FAM135A: variants seen among roughly 807,000 people sequenced by gnomAD.
FAM135A encodes the protein protein FAM135A.
In FAM135A, 79 loss-of-function variants were observed where a neutral mutation model predicts 146.8. The observed-to-expected ratio is 0.54, with a 90% CI of 0.45 to 0.65. The LOEUF (loss-of-function observed/expected upper bound fraction) is 0.65, where lower values mean the gene tolerates loss of function less well. FAM135A is among the 30% of genes least tolerant of loss of function. FAM135A has a pLI of 0.00. For synonymous variants in FAM135A, 562 were observed against 603.6 expected, an observed-to-expected ratio of 0.93 and a Z score of 1.01; for missense variants, 1,623 against 1,758.2, an observed-to-expected ratio of 0.92 and a Z score of 1.38.
intron 12 of FAM135A, among the ~76,000 whole-genome samples, chr6:70,513,642 T>A (rs1215355646): frequency 6.6e-6 from 1 of 152,026 alleles, no homozygotes; most frequent in Non-Finnish European, 1.5e-5. Context: ...TTTTTAAATT[T>A]TATTTTCCAA....
At chr6:70,478,955 T>C (rs1456575565) in intron 8 of FAM135A, among the ~76,000 whole-genome samples, 2 of 152,204 alleles carry the variant, frequency 1.3e-5, no homozygotes, top group Admixed American at 6.5e-5. Flanking sequence ...TTAAATAATA[T>C]ACAGTATTGC....
chr6:70,454,771 C>T (rs1218617101), intron 5 of FAM135A, among the ~76,000 whole-genome samples: 1 of 152,086 alleles, frequency 6.6e-6, no homozygotes, highest in Non-Finnish European at 1.5e-5. Context: ...GTCTATCTCT[C>T]TCTTTTGGTA....
intron 12 of FAM135A, among the ~76,000 whole-genome samples, 154 bp from the exon 13 acceptor site, chr6:70,522,359 T>C (rs1793785224): frequency 6.6e-6 from 1 of 152,196 alleles, no homozygotes; most frequent in African/African-American, 2.4e-5. Context: ...AGTACAAAAA[T>C]ACATTGGCAA....
chr6:70,533,675 A>G, intron 17 of FAM135A, 82 bp from the exon 18 acceptor site: 2 of 839,974 alleles, frequency 2.4e-6, no homozygotes, highest in Non-Finnish European at 3.6e-6. Context: ...CAGTACCTAA[A>G]TTAAAAATGT....
intron 16 of FAM135A, among the ~76,000 whole-genome samples, chr6:70,529,097 T>C (rs1216482905): frequency 6.6e-6 from 1 of 152,096 alleles, no homozygotes; most frequent in East Asian, 1.9e-4. Flanking sequence ...TTGTCTCCCT[T>C]TGATAGTCTT....
intron 12 of FAM135A, among the ~76,000 whole-genome samples, chr6:70,522,004 C>A (rs1038921165): frequency 2.4e-4 from 36 of 152,122 alleles, no homozygotes; most frequent in Non-Finnish European, 1.2e-4. Flanking sequence ...GCAACCCCTG[C>A]CTCCTGGGTT....
chr6:70,478,226 T>G (rs1782994509), intron 8 of FAM135A, among the ~76,000 whole-genome samples: 1 of 152,184 alleles, frequency 6.6e-6, no homozygotes. Context: ...GATAATTATT[T>G]TTTTCTGTTC....
rs537026323 is a variant in FAM135A, at chr6:70,508,228, C to T, written c.1029+5437C>T. ...TCCAAAGGGAGACATATCTCTGTTT[C>T]CCCAGGCTTTTCCCTAATACGAGCA... On this transcript the variant is annotated intron_variant, in intron 12 of 21. Coordinates refer to ENST00000418814, the MANE Select transcript of FAM135A (RefSeq NM_001162529.3). Among the ~76,000 whole-genome samples the T allele has an allele frequency of 2.6e-5, 4 of 152,224 alleles. No homozygotes were observed. The South Asian group carries it at 8.3e-4, about 32-fold the overall frequency.
chr6:70,472,448 C>T (rs1422157343), intron 5 of FAM135A, among the ~76,000 whole-genome samples: 1 of 152,066 alleles, frequency 6.6e-6, no homozygotes, highest in Non-Finnish European at 1.5e-5. Flanking sequence ...GAGTAATTTG[C>T]CAATATGATT....
intron 12 of FAM135A, among the ~76,000 whole-genome samples, chr6:70,515,506 A>C (rs945029838): frequency 6.6e-6 from 1 of 152,190 alleles, no homozygotes; most frequent in Non-Finnish European, 1.5e-5. Flanking sequence ...GCCAACCTGA[A>C]AAATCTACAT....
intron 17 of FAM135A, 35 bp from the exon 18 acceptor site, chr6:70,533,722 C>T: frequency 7.9e-7 from 1 of 1,258,476 alleles, no homozygotes; most frequent in Non-Finnish European, 1.1e-6. Flanking sequence ...ATACATATTC[C>T]CAAATATAAT....
chr6:70,558,982 C>T (rs1801425608), intron 21 of FAM135A, among the ~76,000 whole-genome samples: 1 of 152,130 alleles, frequency 6.6e-6, no homozygotes, highest in African/African-American at 2.4e-5. Flanking sequence ...TTTTGACTGC[C>T]ACAGAAACAT....
chr6:70,556,239 A>T (rs150655397), intron 20 of FAM135A, among the ~76,000 whole-genome samples: 3,848 of 152,168 alleles, frequency 0.025, 167 homozygotes, highest in African/African-American at 0.088. Flanking sequence ...ACAAAGTGAG[A>T]CTCTATCTCA....
At position 70,525,131 on chromosome 6, in the gene FAM135A, C is replaced by G. The variant is rs756761928; in HGVS notation, c.2047C>G (p.Arg683Gly). ...CAAACTAGGACCTTGGACAGAGCTT[C>G]GACAAGAGGAAATACTTGTGGATAA... ...TVKLGPWTEL[R>G]QEEILVDNLL... Residue 683 changes from arginine to glycine, a missense_variant, in exon 15 of 22, where the codon CGA (arginine) becomes GGA (glycine). This residue lies in a region of FAM135A where 1,061 missense variants were observed against 1,113.8 expected (regional missense o/e 0.95). Coordinates refer to ENST00000418814, the MANE Select transcript of FAM135A (RefSeq NM_001162529.3). 2 of 1,566,368 alleles carry G rather than the reference C, an allele frequency of 1.3e-6. No homozygotes were observed. Among genetic ancestry groups the G allele is most frequent in the Admixed American group, 2.0e-5 (1 of 50,818 alleles).
chr6:70,452,496 T>C lies in FAM135A; in HGVS notation c.82T>C (p.Tyr28His). 1 of 1,596,336 alleles carries C rather than the reference T, an allele frequency of 6.3e-7. No homozygotes were observed. Among genetic ancestry groups the C allele is most frequent in the Non-Finnish European group, 8.5e-7 (1 of 1,175,176 alleles). Reference protein sequence around the residue: ...YNVDLFQRGFYQIRASMKIPS... With the variant: ...YNVDLFQRGFHQIRASMKIPS... ...TCCTTGTTTATTTTGCTTTAGTTTT[T>C]ACCAGATTCGTGCTTCTATGAAAAT... The change falls in exon 5 of 22, where the codon TAC (tyrosine) becomes CAC (histidine). Residue 28 changes from tyrosine (Y) to histidine (H), a missense_variant. This residue lies in a region of FAM135A where 171 missense variants were observed against 164.9 expected (regional missense o/e 1.04). Coordinates refer to ENST00000418814, the MANE Select transcript of FAM135A (RefSeq NM_001162529.3).
At chr6:70,448,660 C>T (rs921255920) in intron 4 of FAM135A, among the ~76,000 whole-genome samples, 17 of 152,112 alleles carry the variant, frequency 1.1e-4, no homozygotes, top group Admixed American at 1.0e-3. Context: ...GCCTTCAGAG[C>T]TGAGAGCCCC....
intron 4 of FAM135A, among the ~76,000 whole-genome samples, chr6:70,432,595 G>A (rs576976886): frequency 3.3e-5 from 5 of 152,132 alleles, no homozygotes; most frequent in Admixed American, 2.6e-4. Context: ...CCTTTAAATT[G>A]TGTTTTACTT....
intron 21 of FAM135A, 22 bp downstream of exon 21, chr6:70,556,885 A>G (rs756584149): frequency 8.8e-6 from 14 of 1,599,758 alleles, no homozygotes; most frequent in Admixed American, 1.7e-5. Context: ...AAATTATTTC[A>G]AAGAGTTATA....
intron 5 of FAM135A, among the ~76,000 whole-genome samples, chr6:70,453,876 C>T (rs965425280): frequency 4.6e-5 from 7 of 152,122 alleles, no homozygotes; most frequent in Admixed American, 1.3e-4. Flanking sequence ...AATAAACATA[C>T]GTGTGCATGT....
Sources: gnomAD v4.1 joint callset for allele counts (sites outside exome capture counted in the v4.1 genomes callset) on GRCh38, gnomAD v4.1.1 for gene constraint, gnomAD v4.1.1 regional missense constraint, MANE v1.5 for transcripts, NCBI Gene and HGNC (gene_info 2026-07-23, HGNC 2026-07-21) for gene names.